SORCS2: variants seen among roughly 807,000 people sequenced by gnomAD.
SORCS2 encodes VPS10 domain-containing receptor SorCS2.
In SORCS2, 100 loss-of-function variants were observed where a neutral mutation model predicts 141.6. The observed-to-expected ratio is 0.71, with a 90% confidence interval of 0.60 to 0.83. SORCS2 has a LOEUF of 0.83. Ranked by LOEUF, SORCS2 falls within the 40% of genes least tolerant of loss-of-function variation. The pLI, the probability that SORCS2 is intolerant of heterozygous loss-of-function variation, is 0.00. For missense variants in SORCS2, 1,646 were observed against 1,560.2 expected, an observed-to-expected ratio of 1.05 and a Z score of -0.93; for synonymous variants, 789 against 676.9, an observed-to-expected ratio of 1.17 and a Z score of -2.57.
In SORCS2 at chr4:7,440,064, C is replaced by T. The variant is rs562177830; in HGVS notation, c.548+43709C>T. 6.6e-5 allele frequency among the ~76,000 whole-genome samples: 10 copies of T among 152,320 alleles called. No individual in the cohort carries two copies. The East Asian group carries it at 1.2e-3, about 18-fold the overall frequency. On this transcript the variant is annotated intron_variant, in intron 2 of 26. Transcript: ENST00000507866. ...GAATGGTATCACAGACATTCATCCT[C>T]CACCCACACTTTAACAAATGCTACC...
At chr4:7,328,896 C>T (rs1719463530) in intron 1 of SORCS2, among the ~76,000 whole-genome samples, 1 of 152,194 alleles carries the variant, frequency 6.6e-6, no homozygotes, top group Non-Finnish European at 1.5e-5. Flanking sequence ...TGCCGGCACC[C>T]TTGGCAGTTA....
At chr4:7,424,392 G>A (rs1308388445) in intron 2 of SORCS2, among the ~76,000 whole-genome samples, 2 of 152,200 alleles carry the variant, frequency 1.3e-5, no homozygotes, top group Non-Finnish European at 1.5e-5. Flanking sequence ...GTGTGTGACC[G>A]TGGAAACATC....
intron 23 of SORCS2, among the ~76,000 whole-genome samples, chr4:7,731,543 G>A (rs765082934): frequency 3.9e-5 from 6 of 152,140 alleles, no homozygotes; most frequent in East Asian, 1.9e-4. Flanking sequence ...AGCTGGAAGC[G>A]TCACACTCCC....
intron 3 of SORCS2, among the ~76,000 whole-genome samples, chr4:7,573,184 T>C (rs1484379505): frequency 6.6e-6 from 1 of 152,244 alleles, no homozygotes; most frequent in African/African-American, 2.4e-5. Context: ...TCAACAGCTC[T>C]TGAAAGCATA....
intron 1 of SORCS2, among the ~76,000 whole-genome samples, chr4:7,393,415 A>T (rs1723992037): frequency 6.6e-6 from 1 of 152,210 alleles, no homozygotes; most frequent in Non-Finnish European, 1.5e-5. Context: ...CCAGAAGGGC[A>T]TGTCGTAAGT....
chr4:7,371,033 C>G (rs1722214738), intron 1 of SORCS2, among the ~76,000 whole-genome samples: 1 of 152,166 alleles, frequency 6.6e-6, no homozygotes, highest in South Asian at 2.1e-4. Flanking sequence ...CTCCCCGGCT[C>G]TCAGGGCCCC....
At chr4:7,504,102 C>G (rs1158687689) in intron 2 of SORCS2, among the ~76,000 whole-genome samples, 1 of 152,214 alleles carries the variant, frequency 6.6e-6, no homozygotes, top group East Asian at 1.9e-4. Flanking sequence ...GCCTGGGTGC[C>G]AGGGGTAGGG....
At chr4:7,270,097 T>C (rs1577341515) in intron 1 of SORCS2, among the ~76,000 whole-genome samples, 1 of 152,236 alleles carries the variant, frequency 6.6e-6, no homozygotes, top group South Asian at 2.1e-4. Context: ...GCCAGGCTGG[T>C]CTTGAACTCC....
At chr4:7,691,885 A>G (rs907535028) in intron 11 of SORCS2, among the ~76,000 whole-genome samples, 4 of 151,934 alleles carry the variant, frequency 2.6e-5, no homozygotes, top group Admixed American at 6.6e-5. Flanking sequence ...TCGGTCTCCC[A>G]ACATCTCTCA....
At chr4:7,226,097 G>A (rs1009343653) in intron 1 of SORCS2, among the ~76,000 whole-genome samples, 5 of 152,164 alleles carry the variant, frequency 3.3e-5, no homozygotes, top group Non-Finnish European at 5.9e-5. Context: ...AGCCTCTATA[G>A]CCTGGGGGCC....
intron 2 of SORCS2, among the ~76,000 whole-genome samples, chr4:7,446,791 C>G (rs553580921): frequency 6.6e-6 from 1 of 152,204 alleles, no homozygotes; most frequent in Non-Finnish European, 1.5e-5. Flanking sequence ...CGTGCAGTGT[C>G]GTGGGGAAAC....
At chr4:7,692,492 C>A (rs1049061015) in intron 11 of SORCS2, among the ~76,000 whole-genome samples, 164 of 152,318 alleles carry the variant, frequency 1.1e-3, no homozygotes, top group African/African-American at 3.8e-3. Flanking sequence ...TGGCAGGAAA[C>A]CTTCAAGGCA....
intron 4 of SORCS2, among the ~76,000 whole-genome samples, chr4:7,651,080 G>A (rs567291696): frequency 4.6e-5 from 7 of 152,220 alleles, no homozygotes; most frequent in East Asian, 3.9e-4. Flanking sequence ...GCCCAGCCCC[G>A]ATGTCTGTGT....
At chr4:7,626,921 G>A (rs1024437658) in intron 3 of SORCS2, among the ~76,000 whole-genome samples, 5 of 152,088 alleles carry the variant, frequency 3.3e-5, no homozygotes, top group East Asian at 3.9e-4. Flanking sequence ...CCTCATCCTC[G>A]ATGATAATGA....
intron 15 of SORCS2, among the ~76,000 whole-genome samples, chr4:7,713,404 G>T (rs1165406441): frequency 6.6e-6 from 1 of 152,028 alleles, no homozygotes; most frequent in Non-Finnish European, 1.5e-5. Context: ...ACTGCTCGGG[G>T]GTGGGTGGCC....
chr4:7,343,508 A>G (rs1229776301), intron 1 of SORCS2, among the ~76,000 whole-genome samples: 1 of 152,144 alleles, frequency 6.6e-6, no homozygotes, highest in African/African-American at 2.4e-5. Context: ...TGATGAGTGG[A>G]TCTCCCCATC....
At chr4:7,314,202 C>G (rs1577387912) in intron 1 of SORCS2, among the ~76,000 whole-genome samples, 1 of 152,148 alleles carries the variant, frequency 6.6e-6, no homozygotes, top group Admixed American at 6.5e-5. Context: ...AGAGGCTGGG[C>G]AGGGGCCTTG....
At chr4:7,683,391 ATCTTGTCTGGGCTCAGCTGGG>A (rs1723680193) in intron 10 of SORCS2, among the ~76,000 whole-genome samples, 1 of 132,698 alleles carries the variant, frequency 7.5e-6, no homozygotes, top group African/African-American at 2.9e-5. Context: ...GGCTCTGCTG[ATCTTGTCTGGGCTCAGCTGGG>A]TGGCTCTGCT....
At chr4:7,711,434 C>CTGCT (rs978630162) in intron 14 of SORCS2, among the ~76,000 whole-genome samples, 1 of 152,194 alleles carries the variant, frequency 6.6e-6, no homozygotes, top group African/African-American at 2.4e-5. Flanking sequence ...CAGACAGGGA[C>CTGCT]CAGACTGGAG....
Sources: gnomAD v4.1 joint callset for allele counts (sites outside exome capture counted in the v4.1 genomes callset) on GRCh38, gnomAD v4.1.1 for gene constraint, MANE v1.5 for transcripts, NCBI Gene and HGNC (gene_info 2026-07-23, HGNC 2026-07-21) for gene names.